The following VWF variants were observed in gnomAD, a reference collection of about 807,000 sequenced individuals.
The protein encoded by VWF is Factor VIII related antigen.
In VWF, 176 loss-of-function variants were observed where a neutral mutation model predicts 308.6. That is an observed-to-expected ratio of 0.57 (90% confidence interval 0.50 to 0.65). VWF has a LOEUF of 0.65. VWF is among the 30% of genes least tolerant of loss of function. VWF has a pLI of 0.00. For synonymous variants in VWF, 1,385 were observed against 1,443.4 expected, an observed-to-expected ratio of 0.96 and a Z score of 0.92; for missense variants, 3,146 against 3,648.2, an observed-to-expected ratio of 0.86 and a Z score of 3.55.
chr12:6,085,995 A>G (rs1325776297), intron 6 of VWF, among the ~76,000 whole-genome samples: 1 of 152,198 alleles, frequency 6.6e-6, no homozygotes, highest in Non-Finnish European at 1.5e-5. Context: ...CCAAGGGAAC[A>G]GTGGCCAAGG....
intron 20 of VWF, 72 bp downstream of exon 20, chr12:6,034,616 C>T (rs1944311700): frequency 3.1e-6 from 5 of 1,610,222 alleles, no homozygotes; most frequent in Non-Finnish European, 4.2e-6. Flanking sequence ...TCCACAGAAC[C>T]CAACCTGAGG....
At position 6,057,961 on chromosome 12, in the gene VWF, A is replaced by G. The variant is rs759260751; in HGVS notation, c.1617T>C (p.Ser539=). Residue 539 remains serine, a synonymous_variant, in exon 14 of 52, where the codon TCT becomes TCC. Transcript: ENST00000261405. ...GNQGDDFLTP[S]GLAEPRVEDF... is the part of the protein sequence containing the mutation. ...CCTCCACCCGGGGCTCCGCCAGCCC[A>G]GAGGGGGTAAGGAAGTCGTCGCCCT... is the stretch of plus-strand genomic sequence containing the variant. 1 of 1,613,708 alleles carries G rather than the reference A, an allele frequency of 6.2e-7. No homozygotes were observed. Among genetic ancestry groups the G allele is most frequent in the Non-Finnish European group, 8.5e-7 (1 of 1,180,022 alleles).
intron 6 of VWF, among the ~76,000 whole-genome samples, chr12:6,081,183 C>T (rs753876061): frequency 6.6e-6 from 1 of 152,226 alleles, no homozygotes; most frequent in Non-Finnish European, 1.5e-5. Flanking sequence ...CAGAGACCAT[C>T]TCATCACCCA....
At position 6,065,576 on chromosome 12, in the gene VWF, G is replaced by A. The variant is rs539391911; in HGVS notation, c.1157-303C>T. ...GCAGGAACCCACGCTCCTGCTTCCA[G>A]GCTCCCTGCAGCCTCCCCTCCTCCC... On this transcript the variant is annotated intron_variant, in intron 10 of 51. Transcript: ENST00000261405. Among the ~76,000 whole-genome samples the A allele has an allele frequency of 3.4e-3, 518 of 152,304 alleles. 1 individual carries two copies. The highest frequency in any genetic ancestry group is 0.01 in the Middle Eastern group (3 of 294).
At chr12:6,053,656 G>A (rs1363384737) in intron 15 of VWF, among the ~76,000 whole-genome samples, 2 of 152,170 alleles carry the variant, frequency 1.3e-5, no homozygotes, top group Non-Finnish European at 2.9e-5. Context: ...CTGGGTTCAC[G>A]CCCAGGTCCA....
rs1022679972 is a variant in VWF at position 6,052,720 on chromosome 12, C to A, written c.2009G>T (p.Arg670Leu). The A allele has an allele frequency of 1.9e-6, 3 of 1,614,134 alleles. No individual in the cohort carries two copies. Among genetic ancestry groups the A allele is most frequent in the Non-Finnish European group, 1.7e-6 (2 of 1,180,024 alleles). The change falls in exon 16 of 52, where the codon CGC becomes CTC. Residue 670 changes from arginine (R) to leucine (L), a missense_variant. Physicochemically the swap from Arg to Leu is moderately radical, Grantham distance 102. Transcript: ENST00000261405. Reference sequence around the variant, plus strand: ...TTCCTCATCCGGGTAAGAGAGAGAGCGGCAGGTCAGGTTGCAGGGGGTCCC... The same window carrying A: ...TTCCTCATCCGGGTAAGAGAGAGAGAGGCAGGTCAGGTTGCAGGGGGTCCC... The part of the protein sequence containing the change: ...QCGTPCNLTC[R>L]SLSYPDEECN...
In VWF at chr12:6,075,026, T is replaced by C. The variant is rs746481914; in HGVS notation, c.874+309A>G. ...AACCAAAACCGCAACTGCCAAGATCTTGGTGGGAAGCAGAGAACACTGTGT... is the reference window on the plus strand; with the variant it reads ...AACCAAAACCGCAACTGCCAAGATCCTGGTGGGAAGCAGAGAACACTGTGT... On this transcript the variant is annotated intron_variant, in intron 7 of 51. Coordinates refer to ENST00000261405, the MANE Select transcript of VWF (RefSeq NM_000552.5). This position sits in a 1 kb window ranked among gnomAD's most constrained non-coding sequence, Gnocchi z 4.7. Among the ~76,000 whole-genome samples the C allele has an allele frequency of 4.0e-5, 6 of 151,630 alleles. No homozygotes were observed. The highest frequency in any genetic ancestry group is 7.4e-5 in the Non-Finnish European group (5 of 67,958).
chr12:6,032,408 G>A (rs570192796), intron 20 of VWF, among the ~76,000 whole-genome samples: 8 of 151,910 alleles, frequency 5.3e-5, no homozygotes, highest in South Asian at 4.2e-4. Flanking sequence ...GGGAGGCTGA[G>A]GCGGGCGGAT....
chr12:6,117,762 C>T lies in VWF; in HGVS notation c.220+3412G>A, dbSNP rs1002569678. The stretch of plus-strand genomic sequence containing the variant: ...CCTGGGAGGGGGAGGTTGCAGTGAG[C>T]CGAGATCGCACCACTGCAATCCAGC... On this transcript the variant is annotated intron_variant, in intron 3 of 51. Coordinates refer to ENST00000261405, the MANE Select transcript of VWF (RefSeq NM_000552.5). Among the ~76,000 whole-genome samples the T allele has an allele frequency of 2.0e-5, 3 of 152,240 alleles. No homozygotes were observed. In the South Asian group the frequency reaches 6.2e-4, roughly 32 times the overall value.
At chr12:6,085,712 G>A (rs1470367983) in intron 6 of VWF, among the ~76,000 whole-genome samples, 20 of 151,348 alleles carry the variant, frequency 1.3e-4, no homozygotes, top group East Asian at 2.0e-4. Flanking sequence ...ACGGCCTGTG[G>A]GCGGGGAGGG....
In VWF at chr12:6,086,525, A is replaced by G. The variant is rs946710695; in HGVS notation, c.657+8935T>C. 5.3e-5 allele frequency among the ~76,000 whole-genome samples: 8 copies of G among 152,150 alleles called. No homozygotes were observed. In the East Asian group the frequency reaches 1.5e-3, roughly 29 times the overall value. ...TGACAACTGTACTCTATGAATCACA[A>G]CTATGCTACCAAGCAAACAAATGTA... On this transcript the variant is annotated intron_variant, in intron 6 of 51. Transcript: ENST00000261405.
At chr12:5,963,024 T>C (rs1419577847) in intron 47 of VWF, among the ~76,000 whole-genome samples, 3 of 152,160 alleles carry the variant, frequency 2.0e-5, no homozygotes, top group Non-Finnish European at 4.4e-5. Flanking sequence ...ATAATGCTTC[T>C]AAAAGAAAAC....
At position 6,024,883 on chromosome 12, in the gene VWF, C is replaced by G. The variant is rs910283658; in HGVS notation, c.3222+697G>C. 6.6e-6 allele frequency among the ~76,000 whole-genome samples: 1 copy of G among 152,006 alleles called. No individual in the cohort carries two copies. Among genetic ancestry groups the G allele is most frequent in the Admixed American group, 6.6e-5 (1 of 15,264 alleles). Reference sequence around the variant, plus strand: ...ACTAAAAATACAAAAATTAGCTGGGCGTGGTGGCAGGTGCCTGTAATCCCA... The same window carrying G: ...ACTAAAAATACAAAAATTAGCTGGGGGTGGTGGCAGGTGCCTGTAATCCCA... On this transcript the variant is annotated intron_variant, in intron 24 of 51. Coordinates refer to ENST00000261405, the MANE Select transcript of VWF (RefSeq NM_000552.5). The surrounding 1 kb of genome is among the most constrained non-coding windows in gnomAD (Gnocchi z 4.0).
At chr12:6,072,488 G>A (rs761706307) in intron 8 of VWF, 46 bp from the exon 9 acceptor site, 60 of 1,468,202 alleles carry the variant, frequency 4.1e-5, no homozygotes, top group Admixed American at 6.8e-5. Context: ...TTGTCATTGC[G>A]TCACTCATCC....
chr12:5,962,593 A>G (rs372464723), intron 47 of VWF, among the ~76,000 whole-genome samples: 134 of 113,296 alleles, frequency 1.2e-3, no homozygotes, highest in African/African-American at 5.2e-3. Context: ...ACCAGGCTGG[A>G]GTGCAGTGGT....
rs1422882834 is a variant in VWF at position 6,097,611 on chromosome 12, C to T, written c.533-2027G>A. On this transcript the variant is annotated intron_variant, in intron 5 of 51. Coordinates refer to ENST00000261405, the MANE Select transcript of VWF (RefSeq NM_000552.5). Reference sequence around the variant, plus strand: ...AGAAGAGGCCAGGAACAGATGCTTCCCGAGAGCTTCTGGAGGGAGTTTTGG... The same window carrying T: ...AGAAGAGGCCAGGAACAGATGCTTCTCGAGAGCTTCTGGAGGGAGTTTTGG... 4.6e-5 allele frequency among the ~76,000 whole-genome samples: 7 copies of T among 152,212 alleles called. No homozygotes were observed. The East Asian group carries it at 7.7e-4, about 17-fold the overall frequency.
chr12:6,053,414 C>T (rs752667948), intron 15 of VWF, among the ~76,000 whole-genome samples: 3 of 152,168 alleles, frequency 2.0e-5, no homozygotes, highest in Admixed American at 6.5e-5. Context: ...AGCCCTAAAG[C>T]TCATGCTCAT....
intron 50 of VWF, among the ~76,000 whole-genome samples, chr12:5,950,160 G>C (rs760371463): frequency 1.3e-5 from 2 of 152,182 alleles, no homozygotes; most frequent in Non-Finnish European, 2.9e-5. Context: ...TGTAAAATGA[G>C]GAAGACTTGC....
At chr12:6,103,460 ATATACACATATGTGTG>A (rs1565391121) in intron 5 of VWF, among the ~76,000 whole-genome samples, 4 of 61,352 alleles carry the variant, frequency 6.5e-5, no homozygotes, top group African/African-American at 4.2e-4. Context: ...ATATATGTGT[ATATACACATATGTGTG>A]TATATACATA....
Sources: gnomAD v4.1 joint callset for allele counts (sites outside exome capture counted in the v4.1 genomes callset) on GRCh38, gnomAD v4.1.1 for gene constraint, Gnocchi (gnomAD v3.1) non-coding constraint, MANE v1.5 for transcripts, NCBI Gene and HGNC (gene_info 2026-07-23, HGNC 2026-07-21) for gene names.